Variants in GNB1L observed in about 807,000 individuals in gnomAD.
GNB1L encodes the protein guanine nucleotide-binding protein subunit beta-like protein 1.
In GNB1L, 20 loss-of-function variants were observed where a neutral mutation model predicts 29.1. The ratio of observed to expected loss-of-function variants is 0.69; its 90% CI spans 0.48 to 1.00. The LOEUF (loss-of-function observed/expected upper bound fraction) is 1.00. Among genes scored for constraint, GNB1L ranks in the 50% least tolerant of loss-of-function variants. The pLI is 0.00. For synonymous variants in GNB1L, 193 were observed against 206.5 expected (o/e 0.93, Z 0.56); for missense variants, 421 against 464.9 (o/e 0.91, Z 0.87).
chr22:19,829,285 A>G (rs1937647957), intron 2 of GNB1L, among the ~76,000 whole-genome samples: 1 of 152,236 alleles, frequency 6.6e-6, no homozygotes, highest in Non-Finnish European at 1.5e-5. Context: ...TCAAGGGTAC[A>G]TGGGACATGT....
chr22:19,854,199 G>A (rs1601361603), intron 2 of GNB1L, among the ~76,000 whole-genome samples: 2 of 152,274 alleles, frequency 1.3e-5, no homozygotes, highest in African/African-American at 4.8e-5. Context: ...TTCTAGACTG[G>A]ACAGCACTAT....
At chr22:19,813,127 G>A (rs147522138) in intron 4 of GNB1L, among the ~76,000 whole-genome samples, 59 of 152,280 alleles carry the variant, frequency 3.9e-4, no homozygotes, top group African/African-American at 1.4e-3. Context: ...TATGAACAAC[G>A]AGTGTTTGGG....
At position 19,820,656 on chromosome 22, in the gene GNB1L, G is replaced by A; in HGVS notation, c.196C>T (p.His66Tyr). ...TRRAVTTLDG[H>Y]GGQCVTWLQT... Reference sequence around the variant, plus strand: ...AGCCAGGTCACACACTGGCCGCCGTGGCCATCCAGGGTGGTAACCGCTCTC... The same window carrying A: ...AGCCAGGTCACACACTGGCCGCCGTAGCCATCCAGGGTGGTAACCGCTCTC... The change falls in exon 4 of 8, where the codon CAC (histidine) becomes TAC (tyrosine). Residue 66 changes from histidine (H) to tyrosine (Y), a missense_variant. Transcript: ENST00000329517. 6.2e-7 allele frequency: 1 copy of A among 1,613,562 alleles called. No individual in the cohort carries two copies. The highest frequency in any genetic ancestry group is 1.1e-5 in the South Asian group (1 of 91,082).
intron 2 of GNB1L, among the ~76,000 whole-genome samples, chr22:19,828,835 CTT>C (rs539568221): frequency 1.2e-4 from 17 of 141,658 alleles, no homozygotes; most frequent in Admixed American, 2.1e-4. Context: ...TACTCTTTTT[CTT>C]TTTTTTTTTT....
At chr22:19,793,756 A>G (rs1008485702) in intron 7 of GNB1L, among the ~76,000 whole-genome samples, 1 of 152,234 alleles carries the variant, frequency 6.6e-6, no homozygotes, top group African/African-American at 2.4e-5. Flanking sequence ...TTTACAGGGC[A>G]TGAAGAAAAA....
Position 19,852,186 on chromosome 22 carries a change from G to A in GNB1L, c.-21+2257C>T, listed in dbSNP as rs1455057182. 1.9e-6 allele frequency: 3 copies of A among 1,613,970 alleles called. No homozygotes were observed. In the South Asian group the frequency reaches 3.3e-5, roughly 18 times the overall value. On this transcript the variant is annotated intron_variant, in intron 2 of 7. Coordinates refer to ENST00000329517, the MANE Select transcript of GNB1L (RefSeq NM_053004.3). ...GACGCCTTGTCCATCTGCTGCCATG[G>A]ATGTGCGTTGGCATAATTGGCGGCT...
rs1277621322 is a variant in GNB1L at position 19,816,818 on chromosome 22, C to G, written c.254+3780G>C. Among the ~76,000 whole-genome samples the G allele has an allele frequency of 6.6e-6, 1 of 152,176 alleles. No homozygotes were observed. Among genetic ancestry groups the G allele is most frequent in the Non-Finnish European group, 1.5e-5 (1 of 68,028 alleles). ...ATCCTGGAGATGTTCACTGACATGCCCAACAAGCGAGCCTGCCACCTGCCC... is the reference window on the plus strand; with the variant it reads ...ATCCTGGAGATGTTCACTGACATGCGCAACAAGCGAGCCTGCCACCTGCCC... On this transcript the variant is annotated intron_variant, in intron 4 of 7. Transcript: ENST00000329517. This position sits in a 1 kb window ranked among gnomAD's most constrained non-coding sequence, Gnocchi z 4.4.
chr22:19,815,388 G>C lies in GNB1L; in HGVS notation c.255-2941C>G, dbSNP rs143474344. On this transcript the variant is annotated intron_variant, in intron 4 of 7. Transcript: ENST00000329517. ...ACCTGGACATTTGGAGCACAAAGACGTGCACAGCCCCCGTGGCTCTGCTAG... is the reference window on the plus strand; with the variant it reads ...ACCTGGACATTTGGAGCACAAAGACCTGCACAGCCCCCGTGGCTCTGCTAG... Among the ~76,000 whole-genome samples, 91 of 152,282 alleles carry C rather than the reference G, an allele frequency of 6.0e-4. 1 individual carries two copies. Among genetic ancestry groups the C allele is most frequent in the Middle Eastern group, 3.4e-3 (1 of 294 alleles).
intron 2 of GNB1L, chr22:19,852,478 C>T (rs953249691): frequency 1.2e-5 from 7 of 579,186 alleles, no homozygotes; most frequent in Middle Eastern, 4.6e-4. Flanking sequence ...GGCCATCATC[C>T]GAGGCAATCT....
At chr22:19,833,139 G>T (rs1389410671) in intron 2 of GNB1L, among the ~76,000 whole-genome samples, 1 of 152,138 alleles carries the variant, frequency 6.6e-6, no homozygotes, top group African/African-American at 2.4e-5. Context: ...AGCATACAAA[G>T]AACCCGGAAA....
intron 4 of GNB1L, among the ~76,000 whole-genome samples, chr22:19,820,097 CGT>C (rs1366670593): frequency 1.3e-5 from 2 of 152,152 alleles, no homozygotes; most frequent in Non-Finnish European, 2.9e-5. Context: ...CCACCGGCAC[CGT>C]GTGTGACCTG....
chr22:19,852,194 TTGGCATAATTGG>T (rs1938123208), intron 2 of GNB1L: 3 of 1,613,664 alleles, frequency 1.9e-6, no homozygotes, highest in Non-Finnish European at 1.7e-6. Context: ...TGGATGTGCG[TTGGCATAATTGG>T]CGGCTGCCCA....
chr22:19,838,744 C>G (rs1937808428), intron 2 of GNB1L, among the ~76,000 whole-genome samples: 1 of 152,204 alleles, frequency 6.6e-6, no homozygotes, highest in South Asian at 2.1e-4. Flanking sequence ...CAGGCATGAA[C>G]CACTGTGCCC....
chr22:19,821,913 G>A (rs1338791445), intron 2 of GNB1L, among the ~76,000 whole-genome samples: 2 of 152,138 alleles, frequency 1.3e-5, no homozygotes, highest in African/African-American at 4.8e-5. Context: ...CTCTGTCCAG[G>A]GCTCACTCCA....
chr22:19,825,962 A>AAAAATC (rs1307716462), intron 2 of GNB1L, among the ~76,000 whole-genome samples: 1 of 152,234 alleles, frequency 6.6e-6, no homozygotes, highest in Non-Finnish European at 1.5e-5. Context: ...TGTCTCTGAA[A>AAAAATC]AAAATCAAAA....
intron 2 of GNB1L, chr22:19,849,003 A>G: frequency 4.1e-6 from 4 of 985,516 alleles, no homozygotes; most frequent in Non-Finnish European, 4.8e-6. Context: ...GGCATCAGGG[A>G]GCAGTCTGAC....
In GNB1L at chr22:19,802,222, G is replaced by C. The variant is rs1474021432; in HGVS notation, c.517-6C>G. 3 of 1,611,102 alleles carry C rather than the reference G, an allele frequency of 1.9e-6. No homozygotes were observed. The highest frequency in any genetic ancestry group is 2.5e-6 in the Non-Finnish European group (3 of 1,179,354). On this transcript the variant is annotated splice_region_variant and splice_polypyrimidine_tract_variant and intron_variant, in intron 6 of 7. Transcript: ENST00000329517. The stretch of plus-strand genomic sequence containing the variant: ...GGGCGGGAGCTGCAGTCGGCCTGCG[G>C]GGAACAGCAGAGCAGTCAGCTCCTG...
intron 2 of GNB1L, among the ~76,000 whole-genome samples, chr22:19,844,990 TG>T (rs1210457836): frequency 6.6e-6 from 1 of 152,192 alleles, no homozygotes; most frequent in Non-Finnish European, 1.5e-5. Flanking sequence ...CTGGTGCCCC[TG>T]GCCTCGGGGA....
At chr22:19,822,470 G>C (rs1271245102) in intron 2 of GNB1L, among the ~76,000 whole-genome samples, 6 of 152,224 alleles carry the variant, frequency 3.9e-5, no homozygotes, top group African/African-American at 1.4e-4. Flanking sequence ...GCTGCTCTGT[G>C]GGGTGGCCCT....
Sources: allele counts gnomAD v4.1 joint callset (sites outside exome capture counted in the v4.1 genomes callset), GRCh38; gene constraint gnomAD v4.1.1; non-coding constraint Gnocchi (gnomAD v3.1); transcripts MANE v1.5; gene names NCBI Gene and HGNC (gene_info 2026-07-23, HGNC 2026-07-21).